The following SPATS2L variants were observed in gnomAD, a reference collection of about 807,000 sequenced individuals.
The protein encoded by SPATS2L is SPATS2-like protein.
Under a neutral mutation model 59.6 loss-of-function variants are expected in SPATS2L, and 30 were observed. The observed-to-expected ratio is 0.50, with a 90% CI of 0.38 to 0.68. SPATS2L has a LOEUF of 0.68. Ranked by LOEUF, SPATS2L falls within the 30% of genes least tolerant of loss-of-function variation. SPATS2L has a pLI of 0.00. For missense variants in SPATS2L, 615 were observed against 700.0 expected (o/e 0.88, Z 1.37); for synonymous variants, 252 against 263.5 (o/e 0.96, Z 0.42).
chr2:200,439,015 T>A, intron 6 of SPATS2L, 107 bp from the exon 7 acceptor site: 1 of 818,630 alleles, frequency 1.2e-6, no homozygotes, highest in South Asian at 1.7e-5. Flanking sequence ...TGAAAGGCAT[T>A]ATTGCCAATA....
intron 2 of SPATS2L, among the ~76,000 whole-genome samples, chr2:200,351,664 A>G (rs569384614): frequency 6.6e-6 from 1 of 152,106 alleles, no homozygotes; most frequent in Non-Finnish European, 1.5e-5. Context: ...GGGCATAAAA[A>G]TTTTTTTATT....
At chr2:200,307,403 C>A (rs2079059017) in intron 1 of SPATS2L, among the ~76,000 whole-genome samples, 1 of 151,934 alleles carries the variant, frequency 6.6e-6, no homozygotes, top group Non-Finnish European at 1.5e-5. Flanking sequence ...CCACCCCGCC[C>A]TCGGATCCCA....
intron 3 of SPATS2L, among the ~76,000 whole-genome samples, chr2:200,393,975 T>TCA (rs1195634151): frequency 6.6e-5 from 10 of 152,170 alleles, no homozygotes; most frequent in Admixed American, 6.5e-5. Context: ...AGTAGGTGCT[T>TCA]TGGTGAGGAA....
intron 3 of SPATS2L, among the ~76,000 whole-genome samples, chr2:200,391,200 A>G (rs2082163325): frequency 6.6e-6 from 1 of 152,156 alleles, no homozygotes; most frequent in African/African-American, 2.4e-5. Context: ...GAGCAGCAGT[A>G]CCCGTGACTT....
intron 2 of SPATS2L, among the ~76,000 whole-genome samples, chr2:200,351,665 T>A (rs2080733739): frequency 6.6e-6 from 1 of 152,114 alleles, no homozygotes; most frequent in Non-Finnish European, 1.5e-5. Flanking sequence ...GGCATAAAAA[T>A]TTTTTTATTC....
chr2:200,479,571 A>T lies in SPATS2L; in HGVS notation c.*1540A>T, dbSNP rs2087730331. Reference sequence around the variant, plus strand: ...GGTACTTCTCAGAAAGGGAAAATGGATACCCAATGGCCCAAACCCAAAATA... The same window carrying T: ...GGTACTTCTCAGAAAGGGAAAATGGTTACCCAATGGCCCAAACCCAAAATA... On this transcript the variant is annotated 3_prime_UTR_variant, in exon 13 of 13. Coordinates refer to ENST00000409140, the MANE Select transcript of SPATS2L (RefSeq NM_001100423.2). 2.5e-6 allele frequency: 1 copy of T among 398,644 alleles called. No homozygotes were observed. The highest frequency in any genetic ancestry group is 4.4e-6 in the Non-Finnish European group (1 of 226,078). The allele number at this position is 398,644 out of a possible 1,614,324, so 24.7% of individuals were successfully genotyped here.
chr2:200,373,093 T>C (rs1051029165), intron 2 of SPATS2L: 5 of 152,134 alleles, frequency 3.3e-5, no homozygotes, highest in African/African-American at 1.2e-4. Flanking sequence ...TTCAGAGGCT[T>C]GAAGGATAAT....
intron 2 of SPATS2L, among the ~76,000 whole-genome samples, chr2:200,355,867 G>T (rs537955367): frequency 1.3e-5 from 2 of 152,294 alleles, no homozygotes; most frequent in Admixed American, 6.5e-5. Flanking sequence ...AGATGACTGA[G>T]TCTTATTTCA....
intron 2 of SPATS2L, among the ~76,000 whole-genome samples, chr2:200,333,667 G>C (rs1275800955): frequency 6.6e-6 from 1 of 151,238 alleles, no homozygotes; most frequent in African/African-American, 2.4e-5. Context: ...CCCACCCCAT[G>C]ATGGGCCCCA....
At chr2:200,307,160 G>A (rs1028788498) in intron 1 of SPATS2L, among the ~76,000 whole-genome samples, 1 of 151,190 alleles carries the variant, frequency 6.6e-6, no homozygotes, top group Non-Finnish European at 1.5e-5. Flanking sequence ...GCCGGCGCGG[G>A]CAAGCGGGAG....
upstream of SPATS2L, chr2:200,306,626 G>T (rs2079019908): frequency 4.0e-6 from 4 of 992,846 alleles, no homozygotes; most frequent in Non-Finnish European, 4.8e-6. Context: ...GGGGAAGGCG[G>T]GCGGGTCGGC....
At chr2:200,396,011 G>GGAAAAAAAA (rs1466614581) in intron 3 of SPATS2L, among the ~76,000 whole-genome samples, 10 of 10,594 alleles carry the variant, frequency 9.4e-4, no homozygotes, top group Non-Finnish European at 1.0e-3. Context: ...ACTCGATCTG[G>GGAAAAAAAA]AAAAAAAAAA....
chr2:200,469,653 G>C (rs2086876264), intron 10 of SPATS2L: 1 of 389,052 alleles, frequency 2.6e-6, no homozygotes, highest in African/African-American at 2.0e-5. Flanking sequence ...AGGTTAAATA[G>C]ATGAGTCAGA....
intron 6 of SPATS2L, among the ~76,000 whole-genome samples, chr2:200,426,265 T>C (rs940800071): frequency 1.3e-5 from 2 of 151,950 alleles, no homozygotes; most frequent in Non-Finnish European, 2.9e-5. Context: ...TAATATTTTG[T>C]GCTTTGAGTA....
chr2:200,347,594 G>A (rs1425778630), intron 2 of SPATS2L, among the ~76,000 whole-genome samples: 4 of 152,124 alleles, frequency 2.6e-5, no homozygotes, highest in Admixed American at 6.6e-5. Flanking sequence ...ACAATGTGCC[G>A]ATGGATCCAT....
At chr2:200,395,943 A>C (rs2082315215) in intron 3 of SPATS2L, among the ~76,000 whole-genome samples, 2 of 142,772 alleles carry the variant, frequency 1.4e-5, no homozygotes, top group African/African-American at 5.2e-5. Context: ...CCCAGGGAGC[A>C]GATGTTGCAG....
At chr2:200,383,194 G>A (rs78776480) in intron 2 of SPATS2L, among the ~76,000 whole-genome samples, 2,256 of 152,152 alleles carry the variant, frequency 0.015, 59 homozygotes, top group African/African-American at 0.052. Context: ...CACACTTTAA[G>A]AACCCCTGCT....
Position 200,327,000 on chromosome 2 carries a change from G to A in SPATS2L, c.-72-2431G>A, listed in dbSNP as rs2079772314. On this transcript the variant is annotated intron_variant, in intron 1 of 12. Transcript: ENST00000409140. ...GACCTCAGGTGATCCACCTGCCTCG[G>A]CCTCCCAAAATGCTAGGATTACAGG... is the stretch of plus-strand genomic sequence containing the variant. 2.0e-5 allele frequency among the ~76,000 whole-genome samples: 3 copies of A among 150,132 alleles called. No individual in the cohort carries two copies. The South Asian group carries it at 6.4e-4, about 32-fold the overall frequency.
At chr2:200,350,956 A>G (rs192442966) in intron 2 of SPATS2L, among the ~76,000 whole-genome samples, 60 of 152,266 alleles carry the variant, frequency 3.9e-4, no homozygotes, top group African/African-American at 1.3e-3. Flanking sequence ...AATACAGAGA[A>G]TGGGTGAAGC....
Sources: allele counts gnomAD v4.1 joint callset (sites outside exome capture counted in the v4.1 genomes callset), GRCh38; gene constraint gnomAD v4.1.1; transcripts MANE v1.5; gene names NCBI Gene and HGNC (gene_info 2026-07-23, HGNC 2026-07-21).